CTNNA1: variants seen among roughly 807,000 people sequenced by gnomAD.
The protein encoded by CTNNA1 is catenin alpha 1.
CTNNA1 carries 37 observed loss-of-function variants against 98.4 expected under a neutral mutation model. The ratio of observed to expected loss-of-function variants is 0.38; its 90% CI spans 0.29 to 0.49. The LOEUF is 0.49. Ranked by LOEUF, CTNNA1 falls within the 20% of genes least tolerant of loss-of-function variation. The pLI, the probability that CTNNA1 is intolerant of heterozygous loss-of-function variation, is 0.95. For synonymous variants in CTNNA1, 404 were observed against 413.2 expected (o/e 0.98, Z 0.27); for missense variants, 761 against 1,147.2 (o/e 0.66, Z 4.86).
chr5:138,831,361 C>T (rs1296748486), intron 7 of CTNNA1, among the ~76,000 whole-genome samples: 1 of 152,204 alleles, frequency 6.6e-6, no homozygotes, highest in Non-Finnish European at 1.5e-5. Flanking sequence ...TAAAACACTT[C>T]CCAGTTGATT....
intron 10 of CTNNA1, among the ~76,000 whole-genome samples, chr5:138,914,358 A>G (rs1219642642): frequency 2.0e-5 from 3 of 152,240 alleles, no homozygotes; most frequent in Non-Finnish European, 2.9e-5. Flanking sequence ...TGGTCTTACA[A>G]TGGTGAACAC....
chr5:138,776,974 CG>C (rs1409253560), intron 1 of CTNNA1, among the ~76,000 whole-genome samples: 17 of 119,636 alleles, frequency 1.4e-4, no homozygotes, highest in Non-Finnish European at 2.8e-4. Flanking sequence ...CCCTCCCGGA[CG>C]GGGCGGCTGG....
intron 5 of CTNNA1, among the ~76,000 whole-genome samples, chr5:138,821,657 G>A (rs1760058587): frequency 6.6e-6 from 1 of 152,144 alleles, no homozygotes; most frequent in Admixed American, 6.5e-5. Flanking sequence ...CAGTGTTATA[G>A]ATTGCTTAGA....
At chr5:138,920,027 A>T (rs1435426530) in intron 11 of CTNNA1, among the ~76,000 whole-genome samples, 1 of 122,772 alleles carries the variant, frequency 8.1e-6, no homozygotes, top group Non-Finnish European at 1.6e-5. Context: ...CCTAGGCTGG[A>T]GTGCAATGGT....
At chr5:138,904,279 G>A (rs1016641866) in intron 9 of CTNNA1, 70 bp from the exon 10 acceptor site, 3 of 1,528,880 alleles carry the variant, frequency 2.0e-6, no homozygotes, top group Non-Finnish European at 2.6e-6. Context: ...CAGAGGTAGG[G>A]CCAGGTGTGT....
chr5:138,776,039 CTTTTTTTTTTTTTT>C (rs57467422), intron 1 of CTNNA1, among the ~76,000 whole-genome samples: 1 of 83,886 alleles, frequency 1.2e-5, no homozygotes, highest in Non-Finnish European at 2.1e-5. Context: ...GGAAATGTTT[CTTTTTTTTTTTTTT>C]TTTTTTTTTT....
At chr5:138,816,550 G>A (rs1335295698) in intron 5 of CTNNA1, among the ~76,000 whole-genome samples, 2 of 151,304 alleles carry the variant, frequency 1.3e-5, no homozygotes, top group Non-Finnish European at 2.9e-5. Flanking sequence ...TTTTCCTTTC[G>A]TTTTGCTAAT....
At chr5:138,788,267 C>T (rs1157194728) in intron 3 of CTNNA1, among the ~76,000 whole-genome samples, 1 of 152,004 alleles carries the variant, frequency 6.6e-6, no homozygotes. Context: ...GTACCTGGTC[C>T]GTGATAGGCA....
At chr5:138,911,828 G>A (rs1384084752) in intron 10 of CTNNA1, among the ~76,000 whole-genome samples, 4 of 152,198 alleles carry the variant, frequency 2.6e-5, no homozygotes, top group African/African-American at 4.8e-5. Context: ...GATATGGTGA[G>A]CACTGGTTAG....
intron 1 of CTNNA1, among the ~76,000 whole-genome samples, chr5:138,771,872 C>G (rs1269885488): frequency 6.6e-6 from 1 of 152,052 alleles, no homozygotes; most frequent in African/African-American, 2.4e-5. Flanking sequence ...TCTAAATTTC[C>G]TGATTTGCAT....
chr5:138,760,234 T>A (rs1752192750), intron 1 of CTNNA1, among the ~76,000 whole-genome samples: 1 of 151,930 alleles, frequency 6.6e-6, no homozygotes, highest in South Asian at 2.1e-4. Context: ...CCTCAGGTGA[T>A]CCACCCGCCT....
chr5:138,770,241 C>T (rs1331326503), intron 1 of CTNNA1, among the ~76,000 whole-genome samples: 1 of 152,174 alleles, frequency 6.6e-6, no homozygotes, highest in East Asian at 1.9e-4. Context: ...CTTGTGCCTC[C>T]AGTCCAGGTG....
At chr5:138,838,447 T>A (rs10479192) in intron 7 of CTNNA1, among the ~76,000 whole-genome samples, 2,520 of 152,324 alleles carry the variant, frequency 0.017, 72 homozygotes, top group African/African-American at 0.058. Context: ...ATAATTTGTT[T>A]TATTTTTTCT....
intron 7 of CTNNA1, among the ~76,000 whole-genome samples, chr5:138,875,905 G>T (rs1021480238): frequency 6.6e-6 from 1 of 152,148 alleles, no homozygotes; most frequent in African/African-American, 2.4e-5. Context: ...GAAGAATAAA[G>T]GGGGAGGGGA....
At position 138,769,571 on chromosome 5, in the gene CTNNA1, T is replaced by C. The variant is rs1451055976; in HGVS notation, c.-2-12352T>C. Among the ~76,000 whole-genome samples the C allele has an allele frequency of 2.0e-5, 3 of 151,776 alleles. No individual in the cohort carries two copies. In the East Asian group the frequency reaches 5.8e-4, roughly 29 times the overall value. ...TTTTGAGACGGAGTTTCGCTCTTGT[T>C]GCCCAGGCCGGAGTGCAATGGTGCG... On this transcript the variant is annotated intron_variant, in intron 1 of 17. Transcript: ENST00000302763.
At chr5:138,775,808 C>T (rs1395225479) in intron 1 of CTNNA1, among the ~76,000 whole-genome samples, 5 of 149,208 alleles carry the variant, frequency 3.4e-5, no homozygotes, top group East Asian at 2.0e-4. Flanking sequence ...CTGCAACCTC[C>T]GCCTCCCAGG....
chr5:138,934,036 C>T lies in CTNNA1; in HGVS notation c.2668C>T (p.His890Tyr), dbSNP rs2150360230. The change falls in exon 18 of 18, where the codon CAC (histidine) becomes TAC (tyrosine). Residue 890 changes from histidine (H) to tyrosine (Y), a missense_variant. This residue lies in a region of CTNNA1 where 57 missense variants were observed against 90.9 expected (regional missense o/e 0.63). Transcript: ENST00000302763. ...TKIKRASQKK[H>Y]VNPVQALSEF... ...GATTAAACGGGCATCTCAGAAGAAGCACGTGAACCCGGTGCAGGCCCTCAG... is the reference window on the plus strand; with the variant it reads ...GATTAAACGGGCATCTCAGAAGAAGTACGTGAACCCGGTGCAGGCCCTCAG... 6.2e-7 allele frequency: 1 copy of T among 1,613,872 alleles called. No homozygotes were observed.
Position 138,873,361 on chromosome 5 carries a change from A to G in CTNNA1, c.1063-12851A>G. 6.2e-7 allele frequency: 1 copy of G among 1,614,070 alleles called. No individual in the cohort carries two copies. The highest frequency in any genetic ancestry group is 8.5e-7 in the Non-Finnish European group (1 of 1,179,886). ...CCTCGGTAGTAACTGCTATGCCTGC[A>G]GTAGTTGGGATTTCTTTGTCTCCCA... On this transcript the variant is annotated intron_variant, in intron 7 of 17. Transcript: ENST00000302763. The surrounding 1 kb of genome is among the most constrained non-coding windows in gnomAD (Gnocchi z 6.1).
chr5:138,861,392 C>T (rs1482044773), intron 7 of CTNNA1, among the ~76,000 whole-genome samples: 1 of 152,106 alleles, frequency 6.6e-6, no homozygotes, highest in Admixed American at 6.5e-5. Flanking sequence ...GCCTAATGTT[C>T]GTGTCTTTTT....
Sources: gnomAD v4.1 joint callset for allele counts (sites outside exome capture counted in the v4.1 genomes callset) on GRCh38, gnomAD v4.1.1 for gene constraint, gnomAD v4.1.1 regional missense constraint, Gnocchi (gnomAD v3.1) non-coding constraint, MANE v1.5 for transcripts, NCBI Gene and HGNC (gene_info 2026-07-23, HGNC 2026-07-21) for gene names.